The following ASMT variants were observed in gnomAD, a reference collection of about 807,000 sequenced individuals.
ASMT encodes acetylserotonin N-methyltransferase.
ASMT carries 53 observed loss-of-function variants against 41.3 expected under a neutral mutation model. The observed-to-expected ratio is 1.28, with a 90% CI of 1.03 to 1.61. ASMT has a LOEUF of 1.61. Among genes scored for constraint, ASMT ranks in the 40% most tolerant of loss-of-function variants. ASMT has a pLI of 0.00. For missense variants in ASMT, 531 were observed against 441.3 expected (o/e 1.20, Z -1.82); for synonymous variants, 231 against 184.8 (o/e 1.25, Z -2.03).
Position 1,637,061 on chromosome X carries a change from T to C in ASMT, c.910+501T>C, listed in dbSNP as rs748629243. ...CATCCATCCTGATGGCACATGAGGA[T>C]GTGGGCACAGCCTCTGTGTGTGAGA... On this transcript the variant is annotated intron_variant, in intron 8 of 8. Coordinates refer to ENST00000381241, the MANE Select transcript of ASMT (RefSeq NM_001171038.2). Among the ~76,000 whole-genome samples the C allele has an allele frequency of 2.3e-3, 228 of 97,568 alleles. 9 individuals carry two copies. Among genetic ancestry groups the C allele is most frequent in the Middle Eastern group, 5.6e-3 (1 of 180 alleles). 64.0% of individuals were successfully genotyped at this position (97,568 alleles called of 152,430 possible).
rs7054428 is a variant in ASMT, at chrX:1,637,094, T to A, written c.910+534T>A. On this transcript the variant is annotated intron_variant, in intron 8 of 8. Transcript: ENST00000381241. The stretch of plus-strand genomic sequence containing the variant: ...CAGCCTCTGTGTGTGAGATAAGGAC[T>A]GTGTCCCAGCTCTCCTGTGAGGTCC... Among the ~76,000 whole-genome samples, 772 of 85,916 alleles carry A rather than the reference T, an allele frequency of 9.0e-3. 79 individuals carry two copies. The highest frequency in any genetic ancestry group is 0.021 in the Middle Eastern group (3 of 142). 56.4% of individuals were successfully genotyped at this position (85,916 alleles called of 152,430 possible).
At chrX:1,641,966 T>G (rs1436023299) in intron 8 of ASMT, among the ~76,000 whole-genome samples, 4 of 137,868 alleles carry the variant, frequency 2.9e-5, no homozygotes, top group African/African-American at 8.1e-5. Flanking sequence ...CCAGTGTCTG[T>G]GAGGTCCACC....
chrX:1,631,105 G>A (rs1285547710), intron 5 of ASMT, among the ~76,000 whole-genome samples: 8 of 150,836 alleles, frequency 5.3e-5, no homozygotes, highest in African/African-American at 1.5e-4. Flanking sequence ...TAGTAGAGAC[G>A]GGGTTTCTCC....
At chrX:1,626,627 C>A (rs767954007) in intron 3 of ASMT, among the ~76,000 whole-genome samples, 1 of 152,122 alleles carries the variant, frequency 6.6e-6, no homozygotes, top group South Asian at 2.1e-4. Flanking sequence ...ACCCATCTCA[C>A]GAGACTTTAT....
rs751175195 is a variant in ASMT, at chrX:1,641,719, G to A, written c.911-1084G>A. 2.7e-5 allele frequency among the ~76,000 whole-genome samples: 4 copies of A among 148,978 alleles called. No homozygotes were observed. The East Asian group carries it at 6.1e-4, about 23-fold the overall frequency. On this transcript the variant is annotated intron_variant, in intron 8 of 8. Transcript: ENST00000381241. ...ATGGGGACAGTGTCCCAGTTCTCCT[G>A]TGAGGTCCACCCATCCTGGTGGTCC...
chrX:1,619,954 G>A (rs1325991048), intron 1 of ASMT, among the ~76,000 whole-genome samples: 2 of 151,084 alleles, frequency 1.3e-5, no homozygotes, highest in African/African-American at 2.4e-5. Flanking sequence ...TTAGCCGGGC[G>A]TGGTGGTGGG....
rs1422458138 is a variant in ASMT at position 1,633,583 on chromosome X, C to A, written c.787+293C>A. 1.4e-4 allele frequency among the ~76,000 whole-genome samples: 22 copies of A among 152,006 alleles called. 1 individual carries two copies. Among genetic ancestry groups the A allele is most frequent in the Non-Finnish European group, 2.8e-4 (19 of 68,004 alleles). On this transcript the variant is annotated intron_variant, in intron 7 of 8. Coordinates refer to ENST00000381241, the MANE Select transcript of ASMT (RefSeq NM_001171038.2). The stretch of plus-strand genomic sequence containing the variant: ...CTCCACCTCCTGGGTTCAAGCAATT[C>A]TCCTGCCTCAGCCTCCCAAGTAGCT...
chrX:1,642,105 GTGAT>G (rs1935203526), intron 8 of ASMT, among the ~76,000 whole-genome samples: 1 of 143,882 alleles, frequency 7.0e-6, no homozygotes. Flanking sequence ...GTGTGTGTGT[GTGAT>G]GGGGACGGTG....
chrX:1,616,036 T>C (rs1271522220), intron 1 of ASMT, among the ~76,000 whole-genome samples: 2 of 140,678 alleles, frequency 1.4e-5, no homozygotes, highest in East Asian at 2.3e-4. Context: ...ATTCCTTTTT[T>C]TTATTTTTTT....
At chrX:1,632,859 G>C (rs1394569091) in intron 6 of ASMT, 72 bp downstream of exon 6, 3 of 520,418 alleles carry the variant, frequency 5.8e-6, no homozygotes, top group Non-Finnish European at 1.0e-5. Flanking sequence ...GTCAGGGCCT[G>C]GGGGGCTGGG....
chrX:1,620,583 T>G (rs1363365309), intron 1 of ASMT, among the ~76,000 whole-genome samples: 4 of 152,070 alleles, frequency 2.6e-5, no homozygotes, highest in African/African-American at 9.7e-5. Flanking sequence ...GATAACAGTT[T>G]AATAAAAAAG....
intron 3 of ASMT, among the ~76,000 whole-genome samples, chrX:1,627,491 G>A (rs190184198): frequency 6.6e-6 from 1 of 151,478 alleles, no homozygotes; most frequent in Non-Finnish European, 1.5e-5. Context: ...CGTGGTGGCG[G>A]GCGCCTATAG....
chrX:1,636,717 G>C (rs1312063948), intron 8 of ASMT, 157 bp downstream of exon 8: 1 of 553,618 alleles, frequency 1.8e-6, no homozygotes, highest in Non-Finnish European at 2.3e-6. Context: ...GAAATAAATA[G>C]GGTCCTAATT....
At chrX:1,635,887 A>G (rs1167957573) in intron 7 of ASMT, among the ~76,000 whole-genome samples, 1 of 151,976 alleles carries the variant, frequency 6.6e-6, no homozygotes, top group African/African-American at 2.4e-5. Context: ...ACAAAAAAAC[A>G]AAAAAGAAAC....
rs1444913858 is a variant in ASMT at position 1,627,812 on chromosome X, T to G, written c.443+41T>G. The G allele has an allele frequency of 3.2e-6, 5 of 1,582,252 alleles. No individual in the cohort carries two copies. In the African/African-American group the frequency reaches 6.7e-5, roughly 21 times the overall value. On this transcript the variant is annotated intron_variant, in intron 4 of 8. Coordinates refer to ENST00000381241, the MANE Select transcript of ASMT (RefSeq NM_001171038.2). ...TTGAAACCAACAACTCAGATAAGATTCTGTTTATTTTTAAAGGACTTAGGA... is the reference window on the plus strand; with the variant it reads ...TTGAAACCAACAACTCAGATAAGATGCTGTTTATTTTTAAAGGACTTAGGA...
chrX:1,625,321 G>T (rs767437420), intron 3 of ASMT, among the ~76,000 whole-genome samples: 22 of 151,482 alleles, frequency 1.5e-4, no homozygotes, highest in African/African-American at 5.1e-4. Flanking sequence ...AGCCAGGATG[G>T]TCTCCATCTC....
Position 1,625,789 on chromosome X carries a change from T to C in ASMT, c.374+1391T>C, listed in dbSNP as rs1417704024. Among the ~76,000 whole-genome samples, 74 of 150,880 alleles carry C rather than the reference T, an allele frequency of 4.9e-4. 1 individual carries two copies. In the South Asian group the frequency reaches 9.5e-3, roughly 19 times the overall value. ...CTAACACGGTGAAACCCCGTCTCTA[T>C]TAAAAATACAAAAAATTAGCCGGGC... is the stretch of plus-strand genomic sequence containing the variant. On this transcript the variant is annotated intron_variant, in intron 3 of 8. Coordinates refer to ENST00000381241, the MANE Select transcript of ASMT (RefSeq NM_001171038.2).
At position 1,636,252 on chromosome X, in the gene ASMT, C is replaced by T. The variant is rs769609156; in HGVS notation, c.788-186C>T. The T allele has an allele frequency of 1.5e-4, 134 of 896,938 alleles. 2 individuals carry two copies. In the South Asian group the frequency reaches 1.6e-3, roughly 11 times the overall value. The allele number at this position is 896,938 out of a possible 1,614,324, so 55.6% of individuals were successfully genotyped here. A position where few individuals can be genotyped will look rare whatever the true frequency, so the allele number is the denominator to read the frequency against. On this transcript the variant is annotated intron_variant, in intron 7 of 8. Coordinates refer to ENST00000381241, the MANE Select transcript of ASMT (RefSeq NM_001171038.2). Reference sequence around the variant, plus strand: ...GATTACAGGCGTGAGCCACCGCGCCCGACCTCAGTATTTTCTTATCTTTCT... The same window carrying T: ...GATTACAGGCGTGAGCCACCGCGCCTGACCTCAGTATTTTCTTATCTTTCT...
chrX:1,630,043 G>A (rs1362896499), intron 5 of ASMT, 104 bp downstream of exon 5: 2 of 1,071,454 alleles, frequency 1.9e-6, no homozygotes, highest in Admixed American at 1.7e-5. Context: ...GCTTTGACAT[G>A]TGCGGCCTTA....
Sources: allele counts gnomAD v4.1 joint callset (sites outside exome capture counted in the v4.1 genomes callset), GRCh38; gene constraint gnomAD v4.1.1; transcripts MANE v1.5; gene names NCBI Gene and HGNC (gene_info 2026-07-23, HGNC 2026-07-21).